PDZD2: variants seen among roughly 807,000 people sequenced by gnomAD.
PDZD2 encodes PDZ domain-containing protein 2.
A neutral mutation model predicts 220.7 loss-of-function variants in PDZD2; 90 were observed. The ratio of observed to expected loss-of-function variants is 0.41; its 90% CI spans 0.34 to 0.49. PDZD2 has a LOEUF of 0.49. Among genes scored for constraint, PDZD2 ranks in the 20% least tolerant of loss-of-function variants. The pLI, the probability that PDZD2 is intolerant of heterozygous loss-of-function variation, is 0.28. For missense variants in PDZD2, 3,174 were observed against 3,608.5 expected (o/e 0.88, Z 3.08); for synonymous variants, 1,375 against 1,450.5 (o/e 0.95, Z 1.18).
At chr5:31,964,856 C>G (rs1748579980) in intron 2 of PDZD2, among the ~76,000 whole-genome samples, 1 of 152,196 alleles carries the variant, frequency 6.6e-6, no homozygotes, top group Admixed American at 6.5e-5. Context: ...GCTGGGACTA[C>G]AGGCACCCGC....
At chr5:31,889,503 T>C (rs1740817002) in intron 2 of PDZD2, among the ~76,000 whole-genome samples, 1 of 152,228 alleles carries the variant, frequency 6.6e-6, no homozygotes, top group Admixed American at 6.5e-5. Context: ...CTCACACTCC[T>C]GTTGAGAAAA....
chr5:31,856,998 C>T (rs1167206206), intron 2 of PDZD2, among the ~76,000 whole-genome samples: 1 of 151,726 alleles, frequency 6.6e-6, no homozygotes, highest in Non-Finnish European at 1.5e-5. Context: ...ACTCACCTTA[C>T]CTCTTACCAA....
Position 31,807,654 on chromosome 5 carries a change from G to A in PDZD2, c.476+7930G>A, listed in dbSNP as rs555711083. On this transcript the variant is annotated intron_variant, in intron 2 of 24. Transcript: ENST00000438447. ...TCCATTCCAATATTGAGCGAGTGGC[G>A]TGGCATGGGGACCCCCATTTGGAAG... Among the ~76,000 whole-genome samples the A allele has an allele frequency of 1.1e-4, 17 of 152,292 alleles. No homozygotes were observed. In the South Asian group the frequency reaches 3.3e-3, roughly 30 times the overall value.
intron 1 of PDZD2, among the ~76,000 whole-genome samples, chr5:31,696,195 G>T (rs964134422): frequency 6.6e-6 from 1 of 152,096 alleles, no homozygotes; most frequent in African/African-American, 2.4e-5. Context: ...GCACCTAGAG[G>T]GGTTCAATCA....
At chr5:31,932,974 A>G (rs915400478) in intron 2 of PDZD2, among the ~76,000 whole-genome samples, 4 of 151,514 alleles carry the variant, frequency 2.6e-5, no homozygotes, top group African/African-American at 4.9e-5. Flanking sequence ...GCTATGGTGC[A>G]ATCTCGGCTC....
intron 6 of PDZD2, among the ~76,000 whole-genome samples, chr5:32,036,671 C>A (rs1755581143): frequency 6.6e-6 from 1 of 152,170 alleles, no homozygotes; most frequent in Admixed American, 6.5e-5. Flanking sequence ...GCCGTCTGAT[C>A]AATACTCACT....
Position 31,918,622 on chromosome 5 carries a change from C to T in PDZD2, c.477-64533C>T, listed in dbSNP as rs541870267. Among the ~76,000 whole-genome samples the T allele has an allele frequency of 1.3e-4, 20 of 152,210 alleles. 1 individual carries two copies. In the South Asian group the frequency reaches 2.5e-3, roughly 19 times the overall value. On this transcript the variant is annotated intron_variant, in intron 2 of 24. Coordinates refer to ENST00000438447, the MANE Select transcript of PDZD2 (RefSeq NM_178140.4). ...CTTCTCTTTTGATTTTTAGGGTAGCCTTAATCATTACAATTCTTTTATCTT... is the reference window on the plus strand; with the variant it reads ...CTTCTCTTTTGATTTTTAGGGTAGCTTTAATCATTACAATTCTTTTATCTT...
At chr5:31,838,353 C>G in intron 2 of PDZD2, among the ~76,000 whole-genome samples, 1 of 152,172 alleles carries the variant, frequency 6.6e-6, no homozygotes, top group Non-Finnish European at 1.5e-5. Flanking sequence ...CCACCATACC[C>G]CAGCAAGGTA....
intron 1 of PDZD2, among the ~76,000 whole-genome samples, chr5:31,743,059 G>A (rs1248707592): frequency 6.6e-6 from 1 of 152,100 alleles, no homozygotes; most frequent in African/African-American, 2.4e-5. Flanking sequence ...TATATGAATA[G>A]CATTAGTACT....
intron 12 of PDZD2, among the ~76,000 whole-genome samples, chr5:32,058,471 C>A (rs1739329843): frequency 6.6e-6 from 1 of 151,226 alleles, no homozygotes. Context: ...GAGTTTGAGA[C>A]CAGCCTCCCC....
At chr5:31,811,515 A>G (rs1187423530) in intron 2 of PDZD2, among the ~76,000 whole-genome samples, 1 of 152,206 alleles carries the variant, frequency 6.6e-6, no homozygotes, top group African/African-American at 2.4e-5. Flanking sequence ...AGGCTGGGCT[A>G]GTTCCATAGC....
chr5:31,734,559 T>C (rs1302983212), intron 1 of PDZD2, among the ~76,000 whole-genome samples: 1 of 152,174 alleles, frequency 6.6e-6, no homozygotes, highest in Admixed American at 6.5e-5. Context: ...CCTCAGGTGA[T>C]CCACCCACCT....
At chr5:31,643,826 A>C (rs985031019) in intron 1 of PDZD2, among the ~76,000 whole-genome samples, 1 of 149,392 alleles carries the variant, frequency 6.7e-6, no homozygotes, top group East Asian at 2.1e-4. Context: ...AAATGTGAAT[A>C]ATTTTTTTTT....
intron 2 of PDZD2, among the ~76,000 whole-genome samples, chr5:31,960,738 G>A (rs1428215915): frequency 1.5e-5 from 2 of 137,504 alleles, no homozygotes; most frequent in African/African-American, 2.5e-5. Flanking sequence ...GAAGTAACCC[G>A]TGCTTCTGTT....
chr5:32,010,544 C>T, intron 6 of PDZD2, 62 bp downstream of exon 6: 1 of 1,185,456 alleles, frequency 8.4e-7, no homozygotes, highest in East Asian at 2.3e-5. Context: ...TCCTGGGCGC[C>T]AGGATTAGGG....
intron 19 of PDZD2, among the ~76,000 whole-genome samples, chr5:32,081,775 G>T (rs182931795): frequency 4.2e-4 from 64 of 152,310 alleles, no homozygotes; most frequent in African/African-American, 1.4e-3. Context: ...AGGCTGGAGT[G>T]CAGTGGTGTG....
intron 5 of PDZD2, among the ~76,000 whole-genome samples, chr5:32,002,612 CACCAA>C: frequency 7.1e-6 from 1 of 141,370 alleles, no homozygotes; most frequent in East Asian, 2.0e-4. Flanking sequence ...ACCACACACA[CACCAA>C]CACACACCAA....
intron 2 of PDZD2, among the ~76,000 whole-genome samples, chr5:31,838,871 C>T (rs909586399): frequency 9.8e-5 from 15 of 152,336 alleles, no homozygotes; most frequent in Non-Finnish European, 2.1e-4. Context: ...CCACATCAAT[C>T]CTGTTGTGAG....
intron 1 of PDZD2, among the ~76,000 whole-genome samples, chr5:31,718,075 A>T (rs1748557458): frequency 6.6e-6 from 1 of 152,102 alleles, no homozygotes; most frequent in Non-Finnish European, 1.5e-5. Flanking sequence ...GCATTAATGG[A>T]ATTTAAAGGT....
Sources: allele counts gnomAD v4.1 joint callset (sites outside exome capture counted in the v4.1 genomes callset), GRCh38; gene constraint gnomAD v4.1.1; transcripts MANE v1.5; gene names NCBI Gene and HGNC (gene_info 2026-07-23, HGNC 2026-07-21).